The following RPH3A variants were observed in gnomAD, a reference collection of about 807,000 sequenced individuals.
RPH3A encodes rabphilin-3A.
A neutral mutation model predicts 102.2 loss-of-function variants in RPH3A; 48 were observed. The observed-to-expected ratio is 0.47, with a 90% CI of 0.37 to 0.60. The LOEUF (loss-of-function observed/expected upper bound fraction) is 0.60. RPH3A is among the 20% of genes least tolerant of loss of function. RPH3A has a pLI of 0.00. For missense variants in RPH3A, 781 were observed against 910.1 expected, an observed-to-expected ratio of 0.86 and a Z score of 1.83; for synonymous variants, 310 against 324.3, an observed-to-expected ratio of 0.96 and a Z score of 0.47.
In RPH3A at chr12:112,890,943, T is replaced by C. The variant is rs983722635; in HGVS notation, c.1715T>C (p.Ile572Thr). Residue 572 changes from isoleucine (I) to threonine (T), a missense_variant, in exon 19 of 22, where the codon ATA becomes ACA. By Grantham distance (89) the Ile-to-Thr change is moderately conservative. This residue lies in a region of RPH3A where 730 missense variants were observed against 810.0 expected (regional missense o/e 0.90). Transcript: ENST00000389385. Reference protein sequence around the residue: ...TQQGGLIVGIIRCVHLAAMDA... With the variant: ...TQQGGLIVGITRCVHLAAMDA... ...CAGGGAGGCCTCATTGTGGGCATCA[T>C]ACGCTGCGTGCACCTGGCTGCCATG... The C allele has an allele frequency of 6.2e-7, 1 of 1,614,162 alleles. No homozygotes were observed. Among genetic ancestry groups the C allele is most frequent in the Non-Finnish European group, 8.5e-7 (1 of 1,180,020 alleles).
At chr12:112,660,529 C>T (rs2040042030) in intron 1 of RPH3A, among the ~76,000 whole-genome samples, 1 of 152,042 alleles carries the variant, frequency 6.6e-6, no homozygotes, top group African/African-American at 2.4e-5. Flanking sequence ...GCTATAAAAA[C>T]TATTTTTTGG....
upstream of RPH3A, among the ~76,000 whole-genome samples, chr12:112,790,323 G>T (rs940533932): frequency 5.9e-5 from 9 of 152,126 alleles, no homozygotes; most frequent in Admixed American, 4.6e-4. Flanking sequence ...CTCCCAAAGT[G>T]CTGGGATTAC....
chr12:112,817,948 T>C (rs2041706619), intron 2 of RPH3A, among the ~76,000 whole-genome samples: 1 of 152,148 alleles, frequency 6.6e-6, no homozygotes, highest in South Asian at 2.1e-4. Flanking sequence ...ACCCAGAAGA[T>C]ACACAGAGAA....
At chr12:112,732,987 T>A (rs1035318711) in intron 1 of RPH3A, among the ~76,000 whole-genome samples, 1 of 152,108 alleles carries the variant, frequency 6.6e-6, no homozygotes, top group African/African-American at 2.4e-5. Flanking sequence ...TGCATTACAG[T>A]TATCAATTTA....
At chr12:112,784,857 T>C (rs1381946467) in intron 1 of RPH3A, among the ~76,000 whole-genome samples, 2 of 152,258 alleles carry the variant, frequency 1.3e-5, no homozygotes, top group Non-Finnish European at 2.9e-5. Flanking sequence ...AGGTTCTACA[T>C]GCTTACTTTA....
At chr12:112,826,457 C>CCATAAAGTACACACATCTCA (rs2041875130) in intron 2 of RPH3A, among the ~76,000 whole-genome samples, 1 of 152,104 alleles carries the variant, frequency 6.6e-6, no homozygotes, top group Admixed American at 6.6e-5. Context: ...GAAGGGAAGG[C>CCATAAAGTACACACATCTCA]CATAAAGTAC....
intron 1 of RPH3A, among the ~76,000 whole-genome samples, chr12:112,672,386 A>G (rs2040139250): frequency 6.6e-6 from 1 of 152,198 alleles, no homozygotes; most frequent in South Asian, 2.1e-4. Flanking sequence ...TTCCACAGCA[A>G]CATCTAGACT....
At position 112,898,191 on chromosome 12, in the gene RPH3A, C is replaced by G. The variant is rs2043217362; in HGVS notation, c.*1411C>G. ...ATGCCAAAGGCTTTGGGCTCATCAT[C>G]AATCTTTCACTTTCTTCCTATAAAA... On this transcript the variant is annotated 3_prime_UTR_variant, in exon 22 of 22. Transcript: ENST00000389385. 1 of 152,160 alleles carries G rather than the reference C, an allele frequency of 6.6e-6. No homozygotes were observed. The highest frequency in any genetic ancestry group is 6.5e-5 in the Admixed American group (1 of 15,276). 9.4% of individuals were successfully genotyped at this position (152,160 alleles called of 1,614,324 possible). A position where few individuals can be genotyped will look rare whatever the true frequency, so the allele number is the denominator to read the frequency against.
chr12:112,616,467 C>G (rs2039680872), intron 1 of RPH3A, among the ~76,000 whole-genome samples: 1 of 152,164 alleles, frequency 6.6e-6, no homozygotes, highest in African/African-American at 2.4e-5. Context: ...CTTGAATGTT[C>G]ATGGCTGAGT....
At position 112,707,699 on chromosome 12, in the gene RPH3A, C is replaced by T. The variant is rs917351701; in HGVS notation, c.-139-84444C>T. Among the ~76,000 whole-genome samples the T allele has an allele frequency of 4.6e-5, 7 of 152,236 alleles. No individual in the cohort carries two copies. In the East Asian group the frequency reaches 1.3e-3, roughly 29 times the overall value. ...TTTGCCATCCCAGAATGTGACTAGGCCTTTGGGGACATTTGCAGAGCAGGG... is the reference window on the plus strand; with the variant it reads ...TTTGCCATCCCAGAATGTGACTAGGTCTTTGGGGACATTTGCAGAGCAGGG... On this transcript the variant is annotated intron_variant, in intron 1 of 21. Transcript: ENST00000543106.
At chr12:112,821,398 A>G (rs866607158) in intron 2 of RPH3A, among the ~76,000 whole-genome samples, 28 of 152,096 alleles carry the variant, frequency 1.8e-4, no homozygotes, top group African/African-American at 6.5e-4. Flanking sequence ...GGTCTTCATG[A>G]TCTGACACCC....
chr12:112,764,408 C>T (rs2040874572), intron 1 of RPH3A, among the ~76,000 whole-genome samples: 1 of 152,124 alleles, frequency 6.6e-6, no homozygotes. Context: ...AGGTGTCAAA[C>T]CTCAGAGGGA....
intron 1 of RPH3A, among the ~76,000 whole-genome samples, chr12:112,657,161 G>A (rs1340944475): frequency 6.6e-6 from 1 of 152,060 alleles, no homozygotes; most frequent in Non-Finnish European, 1.5e-5. Context: ...GGATCTCATT[G>A]TAGTTTTAAT....
chr12:112,713,530 T>C (rs2040494925), intron 1 of RPH3A, among the ~76,000 whole-genome samples: 1 of 151,492 alleles, frequency 6.6e-6, no homozygotes, highest in African/African-American at 2.4e-5. Flanking sequence ...TTTTGGAAAA[T>C]ATTTGTATTG....
chr12:112,670,875 C>T (rs1477483447), intron 1 of RPH3A, among the ~76,000 whole-genome samples: 4 of 152,052 alleles, frequency 2.6e-5, no homozygotes, highest in Non-Finnish European at 4.4e-5. Flanking sequence ...CGAGGCCAGC[C>T]CAGATTTAAG....
At chr12:112,636,667 C>T (rs757104977) in intron 1 of RPH3A, among the ~76,000 whole-genome samples, 34 of 152,152 alleles carry the variant, frequency 2.2e-4, no homozygotes, top group Non-Finnish European at 4.6e-4. Context: ...AATTTGCCAT[C>T]TGCCACACTT....
At position 112,585,524 on chromosome 12, in the gene RPH3A, C is replaced by T. The variant is rs1250659548; in HGVS notation, c.-140+10205C>T. Among the ~76,000 whole-genome samples, 8 of 152,270 alleles carry T rather than the reference C, an allele frequency of 5.3e-5. No homozygotes were observed. In the South Asian group the frequency reaches 1.0e-3, roughly 20 times the overall value. On this transcript the variant is annotated intron_variant, in intron 1 of 21. Transcript: ENST00000543106. Reference sequence around the variant, plus strand: ...TCGAGACAGGTGGATCACTTGAGGTCAGGAGTTCGAGACCAGCCTGGCCAA... The same window carrying T: ...TCGAGACAGGTGGATCACTTGAGGTTAGGAGTTCGAGACCAGCCTGGCCAA...
At chr12:112,677,383 CTCCCTCCCTCCCTCCCTCCCTCCCTCCT>C (rs2040185218) in intron 1 of RPH3A, among the ~76,000 whole-genome samples, 6 of 65,792 alleles carry the variant, frequency 9.1e-5, no homozygotes, top group Admixed American at 1.6e-4. Flanking sequence ...CCCTTCCTCC[CTCCCTCCCTCCCTCCCTCCCTCCCTCCT>C]TCCCTCCTTC....
At chr12:112,615,456 C>A (rs1248808342) in intron 1 of RPH3A, among the ~76,000 whole-genome samples, 1 of 152,110 alleles carries the variant, frequency 6.6e-6, no homozygotes, top group Non-Finnish European at 1.5e-5. Context: ...TCCATGGTAA[C>A]AGTTTTGGGG....
Sources: allele counts gnomAD v4.1 joint callset (sites outside exome capture counted in the v4.1 genomes callset), GRCh38; gene constraint gnomAD v4.1.1; regional missense constraint gnomAD v4.1.1; transcripts MANE v1.5; gene names NCBI Gene and HGNC (gene_info 2026-07-23, HGNC 2026-07-21).